NMNAT2: variants seen among roughly 807,000 people sequenced by gnomAD.
NMNAT2 encodes the protein nicotinamide/nicotinic acid mononucleotide adenylyltransferase 2.
A neutral mutation model predicts 41.6 loss-of-function variants in NMNAT2; 11 were observed. The ratio of observed to expected loss-of-function variants is 0.26; its 90% confidence interval spans 0.17 to 0.44. The LOEUF is 0.44. Ranked by LOEUF, NMNAT2 falls within the 20% of genes least tolerant of loss-of-function variation. The pLI, the probability that NMNAT2 is intolerant of heterozygous loss-of-function variation, is 1.00. For missense variants in NMNAT2, 288 were observed against 407.7 expected, an observed-to-expected ratio of 0.71 and a Z score of 2.53; for synonymous variants, 148 against 151.2, an observed-to-expected ratio of 0.98 and a Z score of 0.16.
At chr1:183,332,092 C>T (rs534998821) in intron 1 of NMNAT2, among the ~76,000 whole-genome samples, 104 of 152,312 alleles carry the variant, frequency 6.8e-4, no homozygotes, top group African/African-American at 2.5e-3. Context: ...CTCCATGTTG[C>T]ACACTTTTGT....
intron 1 of NMNAT2, among the ~76,000 whole-genome samples, chr1:183,312,831 A>G (rs1037722720): frequency 6.6e-6 from 1 of 152,260 alleles, no homozygotes; most frequent in African/African-American, 2.4e-5. Context: ...GTGAGGATCA[A>G]ATGAACTAAG....
chr1:183,303,080 T>C (rs774149581), intron 1 of NMNAT2, among the ~76,000 whole-genome samples: 1 of 152,226 alleles, frequency 6.6e-6, no homozygotes, highest in African/African-American at 2.4e-5. Flanking sequence ...GGTGAGCAGA[T>C]GAACTGAGTC....
chr1:183,360,978 A>G (rs995650006), intron 1 of NMNAT2, among the ~76,000 whole-genome samples: 1 of 152,222 alleles, frequency 6.6e-6, no homozygotes, highest in African/African-American at 2.4e-5. Flanking sequence ...CCCTCTCTCC[A>G]GAGTTAACCA....
intron 1 of NMNAT2, among the ~76,000 whole-genome samples, chr1:183,368,853 G>A (rs554254446): frequency 4.6e-5 from 7 of 152,286 alleles, no homozygotes; most frequent in Non-Finnish European, 7.4e-5. Context: ...CATCAGAGCC[G>A]GCAACTCATG....
chr1:183,299,759 G>C (rs1402016827), intron 1 of NMNAT2, among the ~76,000 whole-genome samples: 4 of 152,164 alleles, frequency 2.6e-5, no homozygotes, highest in Non-Finnish European at 5.9e-5. Context: ...GCTGTAGCTT[G>C]TGGGAGATCT....
At chr1:183,333,943 T>G (rs1407845043) in intron 1 of NMNAT2, among the ~76,000 whole-genome samples, 1 of 152,150 alleles carries the variant, frequency 6.6e-6, no homozygotes, top group Non-Finnish European at 1.5e-5. Flanking sequence ...TTGTCCCCAG[T>G]AAGTAAGAAA....
At chr1:183,304,410 T>C (rs1217947226) in intron 1 of NMNAT2, among the ~76,000 whole-genome samples, 5 of 152,206 alleles carry the variant, frequency 3.3e-5, no homozygotes, top group Admixed American at 3.3e-4. Context: ...CAGCTGGATT[T>C]CCCAAGGGGA....
intron 1 of NMNAT2, among the ~76,000 whole-genome samples, chr1:183,319,574 C>T (rs1180682250): frequency 6.6e-6 from 1 of 152,250 alleles, no homozygotes; most frequent in East Asian, 1.9e-4. Context: ...CTTCAGCTTC[C>T]ACTTGCCATG....
Position 183,293,729 on chromosome 1 carries a change from A to C in NMNAT2, c.150T>G (p.Pro50=). Residue 50 remains proline (P), a synonymous_variant, in exon 2 of 11, where the codon CCT becomes CCG. Transcript: ENST00000287713. ...CCTGTTTTCCATAGGAGTCGTGGAC[A>C]GGGGAGACAATCCCGCCAATCACAA... ...RFIVIGGIVS[P]VHDSYGKQGL... 6.2e-7 allele frequency: 1 copy of C among 1,614,014 alleles called. No individual in the cohort carries two copies. The highest frequency in any genetic ancestry group is 2.2e-5 in the East Asian group (1 of 44,890).
At chr1:183,341,265 C>A (rs1235393646) in intron 1 of NMNAT2, among the ~76,000 whole-genome samples, 3 of 152,134 alleles carry the variant, frequency 2.0e-5, no homozygotes, top group Non-Finnish European at 4.4e-5. Context: ...TATTATGCAC[C>A]TACCCATTAG....
Position 183,251,911 on chromosome 1 carries a change from G to A in NMNAT2, c.*730C>T, listed in dbSNP as rs190851545. The A allele has an allele frequency of 2.7e-4, 42 of 157,954 alleles. No individual in the cohort carries two copies. The highest frequency in any genetic ancestry group is 1.9e-3 in the Middle Eastern group (2 of 1,058). 9.8% of individuals were successfully genotyped at this position (157,954 alleles called of 1,614,324 possible). ...TATATGTGTGTGTGTATGTGCGTGC[G>A]CGGGTGCACACGCATGTGTGCGTGT... On this transcript the variant is annotated 3_prime_UTR_variant, in exon 11 of 11. Transcript: ENST00000287713.
chr1:183,360,000 C>T (rs577976903), intron 1 of NMNAT2, among the ~76,000 whole-genome samples: 4 of 152,188 alleles, frequency 2.6e-5, no homozygotes, highest in African/African-American at 9.6e-5. Flanking sequence ...TTTTTGCTGG[C>T]TTTGGACTCT....
chr1:183,296,499 C>T (rs1285437640), intron 1 of NMNAT2, among the ~76,000 whole-genome samples: 5 of 149,342 alleles, frequency 3.3e-5, no homozygotes, highest in African/African-American at 1.2e-4. Context: ...AAGTGTGTCA[C>T]TCTGATAAGT....
intron 1 of NMNAT2, among the ~76,000 whole-genome samples, chr1:183,303,297 C>T (rs1157283702): frequency 1.3e-5 from 2 of 152,132 alleles, no homozygotes; most frequent in Non-Finnish European, 2.9e-5. Context: ...TTTTGAGTGC[C>T]AAACCAAGTA....
intron 1 of NMNAT2, among the ~76,000 whole-genome samples, chr1:183,371,061 A>G (rs989614529): frequency 1.3e-5 from 2 of 152,088 alleles, no homozygotes; most frequent in East Asian, 3.9e-4. Flanking sequence ...GGATTCCCCC[A>G]CACCTCCACA....
intron 8 of NMNAT2, chr1:183,267,221 G>C (rs1051724621): frequency 1.3e-5 from 2 of 152,222 alleles, no homozygotes; most frequent in African/African-American, 4.8e-5. Flanking sequence ...AGAGACAGGG[G>C]CTAAAGTTGA....
At chr1:183,410,734 T>C (rs1649093369) in intron 1 of NMNAT2, among the ~76,000 whole-genome samples, 1 of 143,106 alleles carries the variant, frequency 7.0e-6, no homozygotes, top group African/African-American at 2.6e-5. Context: ...CCATTCTCTC[T>C]CTCTTTTTTT....
chr1:183,290,012 A>G (rs1167546185), intron 4 of NMNAT2, 116 bp downstream of exon 4: 2 of 727,150 alleles, frequency 2.8e-6, no homozygotes, highest in Non-Finnish European at 4.6e-6. Flanking sequence ...AGAGGCTGAA[A>G]GCAGGTCGAT....
At chr1:183,417,115 C>A (rs1649276721) in intron 1 of NMNAT2, among the ~76,000 whole-genome samples, 2 of 152,212 alleles carry the variant, frequency 1.3e-5, no homozygotes, top group Admixed American at 1.3e-4. Context: ...GTCCCTCTTT[C>A]CGTGTCTAAA....
Sources: gnomAD v4.1 joint callset for allele counts (sites outside exome capture counted in the v4.1 genomes callset) on GRCh38, gnomAD v4.1.1 for gene constraint, MANE v1.5 for transcripts, NCBI Gene and HGNC (gene_info 2026-07-23, HGNC 2026-07-21) for gene names.